FRMD4A: variants seen among roughly 807,000 people sequenced by gnomAD.
FRMD4A encodes FERM domain containing 4A.
FRMD4A carries 29 observed loss-of-function variants against 129.1 expected under a neutral mutation model. That is an observed-to-expected ratio of 0.22 (90% confidence interval 0.17 to 0.31). The LOEUF (loss-of-function observed/expected upper bound fraction) is 0.31. Among genes scored for constraint, FRMD4A ranks in the 10% least tolerant of loss-of-function variants. The pLI is 1.00. For missense variants in FRMD4A, 1,272 were observed against 1,375.8 expected (o/e 0.92, Z 1.19); for synonymous variants, 634 against 571.6 (o/e 1.11, Z -1.56).
In FRMD4A at chr10:14,206,240, G is replaced by A. The variant is rs764277407; in HGVS notation, c.45+123818C>T. 2.6e-5 allele frequency among the ~76,000 whole-genome samples: 4 copies of A among 152,082 alleles called. 1 individual carries two copies. The highest frequency in any genetic ancestry group is 4.1e-4 in the South Asian group (2 of 4,822). Reference sequence around the variant, plus strand: ...TCTCATAACCCTCTCAACACAAGGCGCACTTTTCTTCTTTCCATCCCAGCA... The same window carrying A: ...TCTCATAACCCTCTCAACACAAGGCACACTTTTCTTCTTTCCATCCCAGCA... On this transcript the variant is annotated intron_variant, in intron 2 of 24. Transcript: ENST00000357447.
chr10:14,275,433 A>T (rs1279607418), intron 2 of FRMD4A, among the ~76,000 whole-genome samples: 1 of 152,224 alleles, frequency 6.6e-6, no homozygotes. Context: ...AAATGTCCAG[A>T]CACAACTTGT....
chr10:14,083,330 T>C (rs1254102600), intron 2 of FRMD4A: 1 of 152,260 alleles, frequency 6.6e-6, no homozygotes, highest in Admixed American at 6.5e-5. Context: ...CCTGAAGCAC[T>C]GAGAGGTTGG....
chr10:14,181,321 A>G (rs781100657), intron 2 of FRMD4A, among the ~76,000 whole-genome samples: 1 of 152,036 alleles, frequency 6.6e-6, no homozygotes, highest in Admixed American at 6.5e-5. Flanking sequence ...TTGTGGTTTA[A>G]GTACTTTTGT....
rs1462025772 is a variant in FRMD4A, at chr10:13,873,049, G to A, written c.46-14137C>T. 4.6e-5 allele frequency among the ~76,000 whole-genome samples: 7 copies of A among 151,852 alleles called. No individual in the cohort carries two copies. The East Asian group carries it at 1.3e-3, about 29-fold the overall frequency. On this transcript the variant is annotated intron_variant, in intron 2 of 24. Coordinates refer to ENST00000357447, the MANE Select transcript of FRMD4A (RefSeq NM_018027.5). Reference sequence around the variant, plus strand: ...AAATTAGCCGGGCATGGTGGTGAACGCCTATAGTCCTAGCTACTTGGGAGG... The same window carrying A: ...AAATTAGCCGGGCATGGTGGTGAACACCTATAGTCCTAGCTACTTGGGAGG...
At chr10:13,865,899 C>T (rs901003913) in intron 2 of FRMD4A, among the ~76,000 whole-genome samples, 1 of 152,100 alleles carries the variant, frequency 6.6e-6, no homozygotes, top group African/African-American at 2.4e-5. Flanking sequence ...AGGGAAGACA[C>T]TGTGGGGCGG....
intron 3 of FRMD4A, among the ~76,000 whole-genome samples, chr10:13,820,422 C>A (rs1015824262): frequency 2.0e-5 from 3 of 152,050 alleles, no homozygotes; most frequent in African/African-American, 7.2e-5. Context: ...TGGTCTCAGC[C>A]GACCTTGGGT....
At chr10:14,142,772 C>T (rs879876812) in intron 2 of FRMD4A, among the ~76,000 whole-genome samples, 1 of 152,204 alleles carries the variant, frequency 6.6e-6, no homozygotes, top group African/African-American at 2.4e-5. Context: ...GATCTTCCCA[C>T]TACATTTGGC....
At chr10:14,152,698 G>C (rs1417950288) in intron 2 of FRMD4A, among the ~76,000 whole-genome samples, 1 of 152,044 alleles carries the variant, frequency 6.6e-6, no homozygotes. Flanking sequence ...AAATTAGCTG[G>C]GCATGGTGGT....
intron 2 of FRMD4A, among the ~76,000 whole-genome samples, chr10:13,980,213 C>T (rs888452418): frequency 1.3e-5 from 2 of 152,140 alleles, no homozygotes; most frequent in Non-Finnish European, 2.9e-5. Flanking sequence ...GGTATCTGGC[C>T]GTTCGAAGAG....
chr10:13,917,041 A>G (rs1230503120), intron 2 of FRMD4A, among the ~76,000 whole-genome samples: 2 of 152,232 alleles, frequency 1.3e-5, no homozygotes, highest in Admixed American at 6.5e-5. Flanking sequence ...CTCTCAAAAC[A>G]GTGTTTTAAA....
At chr10:14,219,759 G>T (rs527849339) in intron 2 of FRMD4A, among the ~76,000 whole-genome samples, 106 of 152,294 alleles carry the variant, frequency 7.0e-4, no homozygotes, top group African/African-American at 2.4e-3. Flanking sequence ...CTGCCTGTGT[G>T]CATCCTCAGT....
chr10:14,239,232 C>T (rs889013270), intron 2 of FRMD4A, among the ~76,000 whole-genome samples: 6 of 152,198 alleles, frequency 3.9e-5, no homozygotes, highest in African/African-American at 9.6e-5. Context: ...TATAACCCTA[C>T]GTGGCTTAAT....
Position 13,679,426 on chromosome 10 carries a change from CAAAAAAAAAAA to C in FRMD4A, c.1118-4393_1118-4383del, listed in dbSNP as rs1184269199. Among the ~76,000 whole-genome samples, 14 of 8,592 alleles carry C rather than the reference CAAAAAAAAAAA, an allele frequency of 1.6e-3. No individual in the cohort carries two copies. The East Asian group carries it at 0.037, about 22-fold the overall frequency. The allele number at this position is 8,592 out of a possible 152,430, so 5.6% of individuals were successfully genotyped here. Reference sequence around the variant, plus strand: ...TGGGTGACAGAGTGAGACTCTGTCTCAAAAAAAAAAAAAAAAAAAAAAAAAAAAAAAAAAAT... The same window carrying C: ...TGGGTGACAGAGTGAGACTCTGTCTCAAAAAAAAAAAAAAAAAAAAAAAAT... On this transcript the variant is annotated intron_variant, in intron 15 of 24. Coordinates refer to ENST00000357447, the MANE Select transcript of FRMD4A (RefSeq NM_018027.5).
chr10:13,942,956 C>A (rs956893193), intron 2 of FRMD4A, among the ~76,000 whole-genome samples: 1 of 152,036 alleles, frequency 6.6e-6, no homozygotes, highest in Admixed American at 6.6e-5. Flanking sequence ...AAAAAAAGAC[C>A]TATGTCTTTT....
chr10:13,884,825 C>A (rs1414759033), intron 2 of FRMD4A, among the ~76,000 whole-genome samples: 1 of 152,238 alleles, frequency 6.6e-6, no homozygotes, highest in Non-Finnish European at 1.5e-5. Flanking sequence ...ATCTGCAGAA[C>A]CCTTTCTGGA....
intron 2 of FRMD4A, among the ~76,000 whole-genome samples, chr10:14,001,512 A>G (rs1212460750): frequency 6.6e-6 from 1 of 152,200 alleles, no homozygotes; most frequent in Non-Finnish European, 1.5e-5. Context: ...TGGTACCCAT[A>G]GAGACAGCCT....
chr10:13,882,410 T>C (rs2094557745), intron 2 of FRMD4A, among the ~76,000 whole-genome samples: 2 of 152,010 alleles, frequency 1.3e-5, no homozygotes, highest in African/African-American at 4.8e-5. Context: ...CATGGGACAA[T>C]GAGGTCTGAG....
intron 3 of FRMD4A, among the ~76,000 whole-genome samples, chr10:13,826,899 G>GT (rs2093709086): frequency 6.6e-6 from 1 of 152,186 alleles, no homozygotes; most frequent in Non-Finnish European, 1.5e-5. Flanking sequence ...CTTCTGGCAT[G>GT]TAATTAATGG....
intron 2 of FRMD4A, among the ~76,000 whole-genome samples, chr10:14,112,884 C>G (rs138771331): frequency 3.0e-3 from 461 of 152,262 alleles, no homozygotes; most frequent in Non-Finnish European, 4.6e-3. Context: ...CCAACTCCCC[C>G]TTCCCTCAAT....
Sources: gnomAD v4.1 joint callset for allele counts (sites outside exome capture counted in the v4.1 genomes callset) on GRCh38, gnomAD v4.1.1 for gene constraint, MANE v1.5 for transcripts, NCBI Gene and HGNC (gene_info 2026-07-23, HGNC 2026-07-21) for gene names.